Variants in PEA15 observed in about 807,000 individuals in gnomAD.
PEA15 encodes the protein astrocytic phosphoprotein PEA-15.
For missense variants in PEA15, 77 were observed against 161.3 expected (o/e 0.48, Z 2.83); for synonymous variants, 60 against 61.8 (o/e 0.97, Z 0.13).
chr1:160,211,634 C>T lies in PEA15; in HGVS notation c.90C>T (p.Asp30=). 1.9e-6 allele frequency: 3 copies of T among 1,614,166 alleles called. No homozygotes were observed. The highest frequency in any genetic ancestry group is 2.7e-5 in the African/African-American group (2 of 75,044). Residue 30 remains aspartate, a synonymous_variant, in exon 2 of 4, where the codon GAC becomes GAT. Coordinates refer to ENST00000360472, the MANE Select transcript of PEA15 (RefSeq NM_003768.5). The stretch of plus-strand genomic sequence containing the variant: ...AGCTCAAGTCGGCCTGCAAGGAAGA[C>T]ATCCCCAGCGAAAAGAGTGAGGAGA... ...LEQLKSACKE[D]IPSEKSEEIT...
intron 1 of PEA15, among the ~76,000 whole-genome samples, chr1:160,209,779 C>G (rs1654790061): frequency 6.6e-6 from 1 of 152,172 alleles, no homozygotes; most frequent in East Asian, 1.9e-4. Flanking sequence ...CCATCATCCC[C>G]CTCACCCGTA....
At position 160,214,125 on chromosome 1, in the gene PEA15, C is replaced by G. The variant is rs1227624340; in HGVS notation, c.*639C>G. ...CATGGAGCAGCCAGCGTTAGATGCC[C>G]CCACCCACCTGTACTCTGGAGAGAC... On this transcript the variant is annotated 3_prime_UTR_variant, in exon 4 of 4. Coordinates refer to ENST00000360472, the MANE Select transcript of PEA15 (RefSeq NM_003768.5). 1 of 156,204 alleles carries G rather than the reference C, an allele frequency of 6.4e-6. No individual in the cohort carries two copies. The highest frequency in any genetic ancestry group is 1.4e-5 in the Non-Finnish European group (1 of 70,348). 9.7% of individuals were successfully genotyped at this position (156,204 alleles called of 1,614,324 possible). A position where few individuals can be genotyped will look rare whatever the true frequency, so the allele number is the denominator to read the frequency against.
At chr1:160,209,787 G>T (rs886405315) in intron 1 of PEA15, among the ~76,000 whole-genome samples, 17 of 151,820 alleles carry the variant, frequency 1.1e-4, no homozygotes, top group African/African-American at 4.1e-4. Flanking sequence ...CCCCTCACCC[G>T]TACCCCCCTC....
intron 1 of PEA15, among the ~76,000 whole-genome samples, chr1:160,209,512 C>T (rs1654760945): frequency 7.2e-6 from 1 of 138,708 alleles, no homozygotes. Context: ...CTCCTCCCGA[C>T]ACACACACAC....
Position 160,208,220 on chromosome 1 carries a change from G to T in PEA15, c.-3+2698G>T, listed in dbSNP as rs1430529765. ...CCCAGTGCCCATGGAGCTCCCACCT[G>T]TCCCACCCTAAAAGGTCAGTATATA... On this transcript the variant is annotated intron_variant, in intron 1 of 3. Transcript: ENST00000360472. The surrounding 1 kb of genome is among the most constrained non-coding windows in gnomAD (Gnocchi z 4.1). 5.7e-6 allele frequency: 1 copy of T among 176,362 alleles called. No individual in the cohort carries two copies. The highest frequency in any genetic ancestry group is 1.5e-4 in the East Asian group (1 of 6,680). 10.9% of individuals were successfully genotyped at this position (176,362 alleles called of 1,614,324 possible).
At chr1:160,212,269 G>T (rs779812418) in intron 2 of PEA15, among the ~76,000 whole-genome samples, 14 of 152,012 alleles carry the variant, frequency 9.2e-5, no homozygotes, top group Non-Finnish European at 1.8e-4. Flanking sequence ...TCTAAGGCAA[G>T]ATCCAAAGGA....
chr1:160,206,633 G>A (rs1654603986), intron 1 of PEA15, among the ~76,000 whole-genome samples: 1 of 152,124 alleles, frequency 6.6e-6, no homozygotes, highest in South Asian at 2.1e-4. Context: ...AGAATGAGAG[G>A]AATGTGTGTG....
chr1:160,209,399 C>CCA (rs1219573419), intron 1 of PEA15, among the ~76,000 whole-genome samples: 1 of 152,154 alleles, frequency 6.6e-6, no homozygotes. Flanking sequence ...AAGCTCCTAC[C>CCA]CACTGCCCCC....
In PEA15 at chr1:160,208,601, T is replaced by C. The variant is rs1201414061; in HGVS notation, c.-2-2942T>C. 6.5e-6 allele frequency: 10 copies of C among 1,550,346 alleles called. No homozygotes were observed. Among genetic ancestry groups the C allele is most frequent in the Non-Finnish European group, 8.7e-6 (10 of 1,146,784 alleles). On this transcript the variant is annotated intron_variant, in intron 1 of 3. Transcript: ENST00000360472. This position sits in a 1 kb window ranked among gnomAD's most constrained non-coding sequence, Gnocchi z 4.1. The stretch of plus-strand genomic sequence containing the variant: ...AAATCTGAATCTCTGGTGAGGAAAG[T>C]GACATGGAGGATGAAGGAAACAAGC...
Position 160,213,158 on chromosome 1 carries a change from A to C in PEA15, c.221A>C (p.Asp74Ala). 1 of 1,614,102 alleles carries C rather than the reference A, an allele frequency of 6.2e-7. No individual in the cohort carries two copies. The highest frequency in any genetic ancestry group is 8.5e-7 in the Non-Finnish European group (1 of 1,179,992). The change falls in exon 3 of 4, where the codon GAC becomes GCC. Residue 74 changes from aspartate to alanine, a missense_variant. Asp to Ala is a moderately radical substitution (Grantham distance 126). Coordinates refer to ENST00000360472, the MANE Select transcript of PEA15 (RefSeq NM_003768.5). The surrounding 1 kb of genome is among the most constrained non-coding windows in gnomAD (Gnocchi z 5.3). ...EHIFEISRRP[D>A]LLTMVVDYRT... ...ATCTTTGAGATCTCCCGCCGTCCTG[A>C]CCTACTCACTATGGTGGTTGACTAC...
intron 2 of PEA15, 140 bp downstream of exon 2, chr1:160,211,856 T>C (rs1269482921): frequency 1.7e-5 from 12 of 708,524 alleles, no homozygotes; most frequent in Non-Finnish European, 2.7e-5. Flanking sequence ...TCTAAGAGTA[T>C]GGGGGCCTTA....
rs1654555360 is a variant in PEA15, at chr1:160,205,853, G to T, written c.-3+331G>T. 6.6e-6 allele frequency: 1 copy of T among 152,244 alleles called. No homozygotes were observed. The highest frequency in any genetic ancestry group is 1.5e-5 in the Non-Finnish European group (1 of 68,148). 9.4% of individuals were successfully genotyped at this position (152,244 alleles called of 1,614,324 possible). On this transcript the variant is annotated intron_variant, in intron 1 of 3. Transcript: ENST00000360472. The surrounding 1 kb of genome is among the most constrained non-coding windows in gnomAD (Gnocchi z 5.9). The stretch of plus-strand genomic sequence containing the variant: ...CGCCCGCCCCTCCCTCCCCGCTCAG[G>T]CTTCGGACTCGCCTCCGCTGGCGGT...
chr1:160,210,672 T>C (rs908080360), intron 1 of PEA15, among the ~76,000 whole-genome samples: 1 of 152,094 alleles, frequency 6.6e-6, no homozygotes. Context: ...CAGTCCCCTT[T>C]TGCCATTCTC....
Position 160,208,810 on chromosome 1 carries a change from C to T in PEA15, c.-2-2733C>T, listed in dbSNP as rs1014102057. The T allele has an allele frequency of 3.1e-6, 2 of 646,058 alleles. No homozygotes were observed. The highest frequency in any genetic ancestry group is 1.8e-5 in the African/African-American group (1 of 54,946). The allele number at this position is 646,058 out of a possible 1,614,324, so 40.0% of individuals were successfully genotyped here. On this transcript the variant is annotated intron_variant, in intron 1 of 3. Coordinates refer to ENST00000360472, the MANE Select transcript of PEA15 (RefSeq NM_003768.5). This position sits in a 1 kb window ranked among gnomAD's most constrained non-coding sequence, Gnocchi z 4.1. ...GCCTTTCCTTGTACCGTCAGGGGGC[C>T]TTATTCCTATCCTTTCTGTCCCTTC...
In PEA15 at chr1:160,209,126, A is replaced by C. The variant is rs541751114; in HGVS notation, c.-2-2417A>C. Among the ~76,000 whole-genome samples, 12 of 129,046 alleles carry C rather than the reference A, an allele frequency of 9.3e-5. No homozygotes were observed. The South Asian group carries it at 2.6e-3, about 28-fold the overall frequency. 84.7% of individuals were successfully genotyped at this position (129,046 alleles called of 152,430 possible). A position where few individuals can be genotyped will look rare whatever the true frequency, so the allele number is the denominator to read the frequency against. On this transcript the variant is annotated intron_variant, in intron 1 of 3. Coordinates refer to ENST00000360472, the MANE Select transcript of PEA15 (RefSeq NM_003768.5). Reference sequence around the variant, plus strand: ...TCTTACACATGCTCTTGGCTGGTTTAGACACATACAAACACACACATGACA... The same window carrying C: ...TCTTACACATGCTCTTGGCTGGTTTCGACACATACAAACACACACATGACA...
In PEA15 at chr1:160,213,604, CCCCCTT is replaced by C; in HGVS notation, c.*119_*124del. 1 of 832,838 alleles carries C rather than the reference CCCCCTT, an allele frequency of 1.2e-6. No individual in the cohort carries two copies. Among genetic ancestry groups the C allele is most frequent in the Non-Finnish European group, 2.0e-6 (1 of 498,880 alleles). The allele number at this position is 832,838 out of a possible 1,614,324, so 51.6% of individuals were successfully genotyped here. A position where few individuals can be genotyped will look rare whatever the true frequency, so the allele number is the denominator to read the frequency against. On this transcript the variant is annotated 3_prime_UTR_variant, in exon 4 of 4. Coordinates refer to ENST00000360472, the MANE Select transcript of PEA15 (RefSeq NM_003768.5). The surrounding 1 kb of genome is among the most constrained non-coding windows in gnomAD (Gnocchi z 5.3). ...TACCCACTTACTAACCTGGTCCTAA[CCCCCTT>C]ACTGTGCGCGTGTGTGTGCGTGTGC...
At position 160,214,879 on chromosome 1, in the gene PEA15, CT is replaced by C. The variant is rs1655041671; in HGVS notation, c.*1394del. 6.6e-6 allele frequency: 1 copy of C among 152,644 alleles called. No individual in the cohort carries two copies. The highest frequency in any genetic ancestry group is 2.4e-5 in the African/African-American group (1 of 41,424). The allele number at this position is 152,644 out of a possible 1,614,324, so 9.5% of individuals were successfully genotyped here. On this transcript the variant is annotated 3_prime_UTR_variant, in exon 4 of 4. Coordinates refer to ENST00000360472, the MANE Select transcript of PEA15 (RefSeq NM_003768.5). ...AACTTTAATGGGAGGGGAGGGCTGG[CT>C]GCTGGAAGAAGGAAGAAGCCAGACT...
chr1:160,211,658 G>A lies in PEA15; in HGVS notation c.114G>A (p.Glu38=). The A allele has an allele frequency of 4.3e-6, 7 of 1,614,066 alleles. No individual in the cohort carries two copies. Among genetic ancestry groups the A allele is most frequent in the South Asian group, 1.1e-5 (1 of 91,058 alleles). Residue 38 remains glutamate (E), a synonymous_variant, in exon 2 of 4, where the codon GAG becomes GAA. Coordinates refer to ENST00000360472, the MANE Select transcript of PEA15 (RefSeq NM_003768.5). ...ACATCCCCAGCGAAAAGAGTGAGGA[G>A]ATCACTACTGGCAGTGCCTGGTTTA... The part of the protein sequence containing the change: ...KEDIPSEKSE[E]ITTGSAWFSF...
Position 160,208,810 on chromosome 1 carries a change from C to A in PEA15, c.-2-2733C>A. 3 of 646,176 alleles carry A rather than the reference C, an allele frequency of 4.6e-6. No homozygotes were observed. Among genetic ancestry groups the A allele is most frequent in the Admixed American group, 2.4e-5 (1 of 41,288 alleles). 40.0% of individuals were successfully genotyped at this position (646,176 alleles called of 1,614,324 possible). A position where few individuals can be genotyped will look rare whatever the true frequency, so the allele number is the denominator to read the frequency against. ...GCCTTTCCTTGTACCGTCAGGGGGC[C>A]TTATTCCTATCCTTTCTGTCCCTTC... On this transcript the variant is annotated intron_variant, in intron 1 of 3. Transcript: ENST00000360472. This position sits in a 1 kb window ranked among gnomAD's most constrained non-coding sequence, Gnocchi z 4.1.
Sources: allele counts gnomAD v4.1 joint callset (sites outside exome capture counted in the v4.1 genomes callset), GRCh38; gene constraint gnomAD v4.1.1; non-coding constraint Gnocchi (gnomAD v3.1); transcripts MANE v1.5; gene names NCBI Gene and HGNC (gene_info 2026-07-23, HGNC 2026-07-21).